Variants in TRADD observed in about 807,000 individuals in gnomAD.
TRADD encodes the protein tumor necrosis factor receptor type 1-associated DEATH domain protein.
TRADD carries 14 observed loss-of-function variants against 31.5 expected under a neutral mutation model. The ratio of observed to expected loss-of-function variants is 0.44; its 90% CI spans 0.29 to 0.69. The LOEUF (loss-of-function observed/expected upper bound fraction) is 0.69, where lower values mean the gene tolerates loss of function less well. Among genes scored for constraint, TRADD ranks in the 30% least tolerant of loss-of-function variants. The pLI is 0.11. For synonymous variants in TRADD, 220 were observed against 215.8 expected, an observed-to-expected ratio of 1.02 and a Z score of -0.17; for missense variants, 388 against 435.7, an observed-to-expected ratio of 0.89 and a Z score of 0.97.
At position 67,155,225 on chromosome 16, in the gene TRADD, C is replaced by T. The variant is rs748426405; in HGVS notation, c.499G>A (p.Gly167Arg). ...DALRNLKCGSGARGGDGEVAS... is the reference protein window; with the variant it reads ...DALRNLKCGSRARGGDGEVAS... ...ACCTCCCCGTCGCCACCCCGGGCCC[C>T]CGAGCCGCACTTCAGATTTCGCAGC... Residue 167 changes from glycine (G) to arginine (R), a missense_variant, in exon 4 of 5, where the codon GGG becomes AGG. Transcript: ENST00000345057. 1 of 1,601,370 alleles carries T rather than the reference C, an allele frequency of 6.2e-7. No homozygotes were observed. The highest frequency in any genetic ancestry group is 1.1e-5 in the South Asian group (1 of 89,310).
chr16:67,155,861 AC>A, intron 2 of TRADD: 3 of 1,497,740 alleles, frequency 2.0e-6, no homozygotes, highest in African/African-American at 1.4e-5. Flanking sequence ...CACAGGGAGC[AC>A]CCTAAGACAG....
Position 67,156,259 on chromosome 16 carries a change from G to C in TRADD, c.151+251C>G. On this transcript the variant is annotated intron_variant, in intron 2 of 4. Coordinates refer to ENST00000345057, the MANE Select transcript of TRADD (RefSeq NM_003789.4). The surrounding 1 kb of genome is among the most constrained non-coding windows in gnomAD (Gnocchi z 4.6). ...CACAATTAGTAGAAAGGAGTGAGCC[G>C]GCTGGTGGAGGGGGGCGGGGATGGA... The C allele has an allele frequency of 7.4e-7, 1 of 1,353,098 alleles. No homozygotes were observed. Among genetic ancestry groups the C allele is most frequent in the South Asian group, 1.3e-5 (1 of 74,278 alleles). 83.8% of individuals were successfully genotyped at this position (1,353,098 alleles called of 1,614,324 possible).
At chr16:67,157,321 T>C (rs2030733827) in intron 1 of TRADD, among the ~76,000 whole-genome samples, 1 of 152,238 alleles carries the variant, frequency 6.6e-6, no homozygotes, top group Admixed American at 6.5e-5. Context: ...CCAATCTGCA[T>C]ATTCCATTCA....
intron 1 of TRADD, among the ~76,000 whole-genome samples, chr16:67,158,128 G>C (rs1419877596): frequency 6.6e-6 from 1 of 152,192 alleles, no homozygotes; most frequent in Admixed American, 6.5e-5. Context: ...AAAGTGCTGC[G>C]ATTACAGGAG....
Position 67,156,836 on chromosome 16 carries a change from C to T in TRADD, c.-8-168G>A, listed in dbSNP as rs1387154443. Among the ~76,000 whole-genome samples the T allele has an allele frequency of 6.6e-6, 1 of 152,230 alleles. No homozygotes were observed. The highest frequency in any genetic ancestry group is 1.9e-4 in the East Asian group (1 of 5,198). On this transcript the variant is annotated intron_variant, in intron 1 of 4. Coordinates refer to ENST00000345057, the MANE Select transcript of TRADD (RefSeq NM_003789.4). This position sits in a 1 kb window ranked among gnomAD's most constrained non-coding sequence, Gnocchi z 4.6. ...CATACTTGGGACAGGAGTTCACCAT[C>T]TCACAGGAAGCCCCTTGAGCTCCTG...
At position 67,155,592 on chromosome 16, in the gene TRADD, T is replaced by C; in HGVS notation, c.214A>G (p.Ile72Val). 6.5e-7 allele frequency: 1 copy of C among 1,549,382 alleles called. No individual in the cohort carries two copies. The highest frequency in any genetic ancestry group is 8.7e-7 in the Non-Finnish European group (1 of 1,155,188). The change falls in exon 3 of 5, where the codon ATC becomes GTC. Residue 72 changes from isoleucine (I) to valine (V), a missense_variant. Coordinates refer to ENST00000345057, the MANE Select transcript of TRADD (RefSeq NM_003789.4). The part of the protein sequence containing the change: ...LKIHRSDPQL[I>V]VQLRFCGRQP... ...CGCCCGCAGAATCGCAGCTGCACGA[T>C]CAGCTGCGGGTCGCTGCGGTGGATC...
At position 67,154,452 on chromosome 16, in the gene TRADD, G is replaced by T. The variant is rs2030576022; in HGVS notation, c.*197C>A. On this transcript the variant is annotated 3_prime_UTR_variant, in exon 5 of 5. Coordinates refer to ENST00000345057, the MANE Select transcript of TRADD (RefSeq NM_003789.4). This position sits in a 1 kb window ranked among gnomAD's most constrained non-coding sequence, Gnocchi z 5.2. Reference sequence around the variant, plus strand: ...CCCCCCCACCCCACACTCTATCAAAGTACCTGAGGCAGAATCCCCAATGAT... The same window carrying T: ...CCCCCCCACCCCACACTCTATCAAATTACCTGAGGCAGAATCCCCAATGAT... 2 of 670,762 alleles carry T rather than the reference G, an allele frequency of 3.0e-6. No individual in the cohort carries two copies. Among genetic ancestry groups the T allele is most frequent in the South Asian group, 3.7e-5 (2 of 54,460 alleles). The allele number at this position is 670,762 out of a possible 1,614,324, so 41.6% of individuals were successfully genotyped here. A position where few individuals can be genotyped will look rare whatever the true frequency, so the allele number is the denominator to read the frequency against.
Position 67,154,406 on chromosome 16 carries a change from A to G in TRADD, c.*243T>C. 1.7e-6 allele frequency: 1 copy of G among 592,098 alleles called. No individual in the cohort carries two copies. The highest frequency in any genetic ancestry group is 2.8e-5 in the East Asian group (1 of 35,326). The allele number at this position is 592,098 out of a possible 1,614,324, so 36.7% of individuals were successfully genotyped here. A position where few individuals can be genotyped will look rare whatever the true frequency, so the allele number is the denominator to read the frequency against. ...CCCGCTTCTGGGATGGGAGAAGGTG[A>G]GGCTGATCTCCAAAGCAGGTCCCCC... On this transcript the variant is annotated 3_prime_UTR_variant, in exon 5 of 5. Coordinates refer to ENST00000345057, the MANE Select transcript of TRADD (RefSeq NM_003789.4). The surrounding 1 kb of genome is among the most constrained non-coding windows in gnomAD (Gnocchi z 5.2).
rs2030823405 is a variant in TRADD, at chr16:67,159,494, C to T, written c.-9+344G>A. On this transcript the variant is annotated intron_variant, in intron 1 of 4. Coordinates refer to ENST00000345057, the MANE Select transcript of TRADD (RefSeq NM_003789.4). The surrounding 1 kb of genome is among the most constrained non-coding windows in gnomAD (Gnocchi z 6.8). ...TTGAGGGGAGCTTCCCAGGCTCCCA[C>T]TAGCCCACCCTCAAGCTGGGGTTTC... 6.6e-6 allele frequency among the ~76,000 whole-genome samples: 1 copy of T among 152,230 alleles called. No individual in the cohort carries two copies. Among genetic ancestry groups the T allele is most frequent in the Admixed American group, 6.5e-5 (1 of 15,292 alleles).
chr16:67,158,417 C>A (rs1026933648), intron 1 of TRADD, among the ~76,000 whole-genome samples: 2 of 152,304 alleles, frequency 1.3e-5, no homozygotes, highest in Admixed American at 6.5e-5. Flanking sequence ...CTGCCCACCT[C>A]AGCTTCCCAA....
At chr16:67,158,455 A>C (rs1283743829) in intron 1 of TRADD, among the ~76,000 whole-genome samples, 1 of 152,062 alleles carries the variant, frequency 6.6e-6, no homozygotes, top group African/African-American at 2.4e-5. Context: ...GTGAGGCACC[A>C]CACCCAGCCT....
rs1686580652 is a variant in TRADD, at chr16:67,156,769, CCT to C, written c.-8-103_-8-102del. The C allele has an allele frequency of 6.8e-7, 1 of 1,477,308 alleles. No individual in the cohort carries two copies. 91.5% of individuals were successfully genotyped at this position (1,477,308 alleles called of 1,614,324 possible). ...GGTTCAGCTGTCCCCACCACAGTAG[CCT>C]CAAGTCCCACATGGTTCAGTTGTCC... On this transcript the variant is annotated intron_variant, in intron 1 of 4. Coordinates refer to ENST00000345057, the MANE Select transcript of TRADD (RefSeq NM_003789.4). This position sits in a 1 kb window ranked among gnomAD's most constrained non-coding sequence, Gnocchi z 4.6.
chr16:67,154,872 C>T lies in TRADD; in HGVS notation c.716G>A (p.Arg239Gln), dbSNP rs763349245. 13 of 1,599,300 alleles carry T rather than the reference C, an allele frequency of 8.1e-6. No individual in the cohort carries two copies. The highest frequency in any genetic ancestry group is 1.3e-5 in the African/African-American group (1 of 74,446). Reference sequence around the variant, plus strand: ...CGGGTCCCGCAGCGCCCGGCAGCCTCGCTGCAGTGAGCGCCCCACCTTGCG... The same window carrying T: ...CGGGTCCCGCAGCGCCCGGCAGCCTTGCTGCAGTGAGCGCCCCACCTTGCG... ...KWRKVGRSLQ[R>Q]GCRALRDPAL... is the part of the protein sequence containing the mutation. The change falls in exon 5 of 5, where the codon CGA becomes CAA. Residue 239 changes from arginine to glutamine, a missense_variant. Transcript: ENST00000345057. This position sits in a 1 kb window ranked among gnomAD's most constrained non-coding sequence, Gnocchi z 5.2.
At chr16:67,158,957 G>C (rs1435246625) in intron 1 of TRADD, among the ~76,000 whole-genome samples, 1 of 152,190 alleles carries the variant, frequency 6.6e-6, no homozygotes, top group Non-Finnish European at 1.5e-5. Flanking sequence ...TGCCCATCAG[G>C]TCTGTGGGGG....
Position 67,154,341 on chromosome 16 carries a change from AGGT to A in TRADD, c.*305_*307del. Reference sequence around the variant, plus strand: ...ATGAAGTCCAGGACACCAAAGATCAAGGTGCTTCATGAGTGAAACTGTAAGGGC... The same window carrying A: ...ATGAAGTCCAGGACACCAAAGATCAAGCTTCATGAGTGAAACTGTAAGGGC... On this transcript the variant is annotated 3_prime_UTR_variant, in exon 5 of 5. Coordinates refer to ENST00000345057, the MANE Select transcript of TRADD (RefSeq NM_003789.4). The surrounding 1 kb of genome is among the most constrained non-coding windows in gnomAD (Gnocchi z 5.2). 1 of 520,496 alleles carries A rather than the reference AGGT, an allele frequency of 1.9e-6. No homozygotes were observed. The highest frequency in any genetic ancestry group is 3.5e-6 in the Non-Finnish European group (1 of 286,782). The allele number at this position is 520,496 out of a possible 1,614,324, so 32.2% of individuals were successfully genotyped here.
chr16:67,154,856 C>T lies in TRADD; in HGVS notation c.732G>A (p.Leu244=), dbSNP rs776271866. ...CCAGCGAGTCCAGCGCCGGGTCCCG[C>T]AGCGCCCGGCAGCCTCGCTGCAGTG... The part of the protein sequence containing the change: ...GRSLQRGCRA[L]RDPALDSLAY... The change falls in exon 5 of 5, where the codon CTG becomes CTA. Residue 244 remains leucine (L), a synonymous_variant. Transcript: ENST00000345057. The surrounding 1 kb of genome is among the most constrained non-coding windows in gnomAD (Gnocchi z 5.2). 1 of 1,595,280 alleles carries T rather than the reference C, an allele frequency of 6.3e-7. No individual in the cohort carries two copies. Among genetic ancestry groups the T allele is most frequent in the Non-Finnish European group, 8.5e-7 (1 of 1,171,994 alleles).
chr16:67,156,625 C>T lies in TRADD; in HGVS notation c.36G>A (p.Val12=). 1.2e-6 allele frequency: 2 copies of T among 1,614,144 alleles called. No homozygotes were observed. Among genetic ancestry groups the T allele is most frequent in the East Asian group, 2.2e-5 (1 of 44,882 alleles). Residue 12 remains valine (V), a synonymous_variant, in exon 2 of 5, where the codon GTG becomes GTA. Coordinates refer to ENST00000345057, the MANE Select transcript of TRADD (RefSeq NM_003789.4). This position sits in a 1 kb window ranked among gnomAD's most constrained non-coding sequence, Gnocchi z 4.6. The part of the protein sequence containing the change: ...AAGQNGHEEW[V]GSAYLFVESS... Reference sequence around the variant, plus strand: ...ACTCCACAAACAGGTATGCGCTGCCCACCCACTCTTCGTGCCCATTTTGCC... The same window carrying T: ...ACTCCACAAACAGGTATGCGCTGCCTACCCACTCTTCGTGCCCATTTTGCC...
At position 67,155,524 on chromosome 16, in the gene TRADD, CG is replaced by C; in HGVS notation, c.281del (p.Ala94GlyfsTer43). 6.6e-7 allele frequency: 1 copy of C among 1,522,092 alleles called. No homozygotes were observed. Among genetic ancestry groups the C allele is most frequent in the Non-Finnish European group, 8.7e-7 (1 of 1,143,060 alleles). The allele number at this position is 1,522,092 out of a possible 1,614,324, so 94.3% of individuals were successfully genotyped here. A position where few individuals can be genotyped will look rare whatever the true frequency, so the allele number is the denominator to read the frequency against. On this transcript the variant is annotated frameshift_variant, in exon 3 of 5. Coordinates refer to ENST00000345057, the MANE Select transcript of TRADD (RefSeq NM_003789.4). LOFTEE classifies it high-confidence loss of function. ...GRFLRAYREG[A>X]LRAALQRSLA... Reference sequence around the variant, plus strand: ...GGCTCCTCTGCAGCGCGGCGCGCAGCGCCCCCTCGCGGTAGGCGCGGAGGAA... The same window carrying C: ...GGCTCCTCTGCAGCGCGGCGCGCAGCCCCCCTCGCGGTAGGCGCGGAGGAA...
chr16:67,156,498 C>A lies in TRADD; in HGVS notation c.151+12G>T. 6.2e-7 allele frequency: 1 copy of A among 1,610,712 alleles called. No individual in the cohort carries two copies. Among genetic ancestry groups the A allele is most frequent in the Non-Finnish European group, 8.5e-7 (1 of 1,179,996 alleles). On this transcript the variant is annotated intron_variant, in intron 2 of 4. Transcript: ENST00000345057. This position sits in a 1 kb window ranked among gnomAD's most constrained non-coding sequence, Gnocchi z 4.6. ...CACCCCTTCCTCTCCACATGCCCGC[C>A]CATCCACGCACCTGCCAAGGCAGCC... is the stretch of plus-strand genomic sequence containing the variant.
Sources: gnomAD v4.1 joint callset for allele counts (sites outside exome capture counted in the v4.1 genomes callset) on GRCh38, gnomAD v4.1.1 for gene constraint, Gnocchi (gnomAD v3.1) non-coding constraint, MANE v1.5 for transcripts, NCBI Gene and HGNC (gene_info 2026-07-23, HGNC 2026-07-21) for gene names.